Variants in METTL8 observed in about 807,000 individuals in gnomAD.
METTL8 encodes methyltransferase 8, tRNA N3-cytidine, also known as tRNA N(3)-cytidine methyltransferase METTL8, mitochondrial.
A neutral mutation model predicts 48.7 loss-of-function variants in METTL8; 32 were observed. The observed-to-expected ratio is 0.66, with a 90% CI of 0.50 to 0.88. The LOEUF (loss-of-function observed/expected upper bound fraction) is 0.88, where lower values mean the gene tolerates loss of function less well. METTL8 is among the 40% of genes least tolerant of loss of function. METTL8 has a pLI of 0.00. For missense variants in METTL8, 464 were observed against 474.4 expected, an observed-to-expected ratio of 0.98 and a Z score of 0.20; for synonymous variants, 136 against 157.1, an observed-to-expected ratio of 0.87 and a Z score of 1.01.
chr2:171,325,492 A>G (rs538081287), intron 9 of METTL8, among the ~76,000 whole-genome samples: 1 of 152,372 alleles, frequency 6.6e-6, no homozygotes, highest in East Asian at 1.9e-4. Context: ...ACAGGCCAAG[A>G]TAAGTAATTT....
intron 2 of METTL8, among the ~76,000 whole-genome samples, chr2:171,364,094 C>T (rs573894529): frequency 1.7e-3 from 260 of 151,854 alleles, no homozygotes; most frequent in Non-Finnish European, 1.9e-3. Flanking sequence ...ATTACAAGCG[C>T]GAGCCACTGC....
upstream of METTL8, chr2:171,434,657 T>C: frequency 6.5e-7 from 1 of 1,535,206 alleles, no homozygotes; most frequent in Non-Finnish European, 8.7e-7. Context: ...GACGCAGGCG[T>C]GGTGCAGAGG....
chr2:171,411,828 C>T (rs1690785438), intron 1 of METTL8, among the ~76,000 whole-genome samples: 1 of 152,100 alleles, frequency 6.6e-6, no homozygotes, highest in Admixed American at 6.6e-5. Flanking sequence ...AGATTGCTTA[C>T]ATTTAAATGT....
intron 5 of METTL8, among the ~76,000 whole-genome samples, chr2:171,335,079 T>C (rs1337938150): frequency 6.6e-6 from 1 of 152,188 alleles, no homozygotes; most frequent in Non-Finnish European, 1.5e-5. Context: ...TAAAGGAATA[T>C]GGCTATGTGA....
chr2:171,331,389 G>A (rs1245945290), intron 6 of METTL8, among the ~76,000 whole-genome samples: 14 of 149,198 alleles, frequency 9.4e-5, no homozygotes, highest in Admixed American at 6.7e-5. Flanking sequence ...GATTACAGGC[G>A]TGAGCCACCA....
chr2:171,417,124 T>C (rs570499351), intron 1 of METTL8, among the ~76,000 whole-genome samples: 2 of 152,242 alleles, frequency 1.3e-5, no homozygotes, highest in Non-Finnish European at 2.9e-5. Context: ...AGAATTTCTA[T>C]GTGTGGCATG....
chr2:171,372,479 TTTATTA>T (rs376069568), intron 2 of METTL8, among the ~76,000 whole-genome samples: 30 of 151,054 alleles, frequency 2.0e-4, no homozygotes, highest in African/African-American at 4.4e-4. Context: ...ATAATTTCTT[TTTATTA>T]TTATTATTAT....
At chr2:171,343,099 C>G (rs1575769463) in intron 3 of METTL8, among the ~76,000 whole-genome samples, 2 of 152,252 alleles carry the variant, frequency 1.3e-5, no homozygotes, top group Admixed American at 6.5e-5. Flanking sequence ...AATGAGCAAG[C>G]AAACCATGCA....
intron 1 of METTL8, among the ~76,000 whole-genome samples, chr2:171,424,078 G>A (rs1405575735): frequency 1.3e-5 from 2 of 152,210 alleles, no homozygotes; most frequent in Non-Finnish European, 2.9e-5. Flanking sequence ...GGCTTCAGAG[G>A]GGACAAGCTC....
intron 5 of METTL8, among the ~76,000 whole-genome samples, chr2:171,335,432 A>AT (rs1195661220): frequency 2.6e-5 from 4 of 151,900 alleles, no homozygotes; most frequent in East Asian, 1.9e-4. Flanking sequence ...AATTAAAAAA[A>AT]TTTTTTTTGA....
chr2:171,434,731 G>A (rs1176266705), upstream of METTL8: 2 of 1,405,168 alleles, frequency 1.4e-6, no homozygotes, highest in South Asian at 1.6e-5. Context: ...GGGGCGGGAC[G>A]GAGGGCCGCG....
intron 2 of METTL8, among the ~76,000 whole-genome samples, chr2:171,375,597 C>T (rs1285105027): frequency 6.6e-6 from 1 of 152,040 alleles, no homozygotes; most frequent in Non-Finnish European, 1.5e-5. Flanking sequence ...GCTTATTTAC[C>T]ATCTGTATAT....
rs1308840575 is a variant in METTL8, at chr2:171,339,500, T to C, written c.290A>G (p.Lys97Arg). 6.2e-7 allele frequency: 1 copy of C among 1,609,346 alleles called. No individual in the cohort carries two copies. The highest frequency in any genetic ancestry group is 1.7e-5 in the Admixed American group (1 of 59,850). Residue 97 changes from lysine to arginine, a missense_variant, in exon 4 of 10, where the codon AAG (lysine) becomes AGG (arginine). Transcript: ENST00000375258. ...KYWDTFYKIH[K>R]NKFFKDRNWL... ...ATTACGATCCTTGAAAAACTTATTC[T>C]TATGAATCTTGTAAAATGTGTCCCA...
At chr2:171,434,563 C>G (rs1693657842), upstream of METTL8, 1 of 1,525,442 alleles carries the variant, frequency 6.6e-7, no homozygotes. Flanking sequence ...TACCCAGGGC[C>G]CGGCCCGCGC....
chr2:171,369,839 G>A (rs373401072), intron 2 of METTL8, among the ~76,000 whole-genome samples: 5 of 152,076 alleles, frequency 3.3e-5, no homozygotes, highest in African/African-American at 9.7e-5. Context: ...AGGCCAAGGC[G>A]GGCGGATCAT....
rs1038423281 is a variant in METTL8 at position 171,426,150 on chromosome 2, C to T, written c.-13+7733G>A. 4.6e-5 allele frequency among the ~76,000 whole-genome samples: 7 copies of T among 152,030 alleles called. No individual in the cohort carries two copies. In the Middle Eastern group the frequency reaches 0.01, roughly 222 times the overall value. ...CCAGCCTGGGCAATAGAGTAAGACT[C>T]CATTTCAAAAAACACAAAAACAAAA... On this transcript the variant is annotated intron_variant, in intron 1 of 9. Coordinates refer to ENST00000375258, the MANE Select transcript of METTL8 (RefSeq NM_001321154.2).
chr2:171,434,225 G>A (rs1693567333), upstream of METTL8: 2 of 442,186 alleles, frequency 4.5e-6, no homozygotes, highest in African/African-American at 4.1e-5. Flanking sequence ...GTAGTTCCTG[G>A]GAGAAGCCGG....
At chr2:171,359,662 G>A (rs1684960425) in intron 3 of METTL8, among the ~76,000 whole-genome samples, 1 of 151,982 alleles carries the variant, frequency 6.6e-6, no homozygotes, top group African/African-American at 2.4e-5. Context: ...CGCCAGGCTG[G>A]AGTACAGTGG....
intron 1 of METTL8, among the ~76,000 whole-genome samples, chr2:171,400,206 T>TA (rs1462537463): frequency 1.3e-5 from 2 of 152,166 alleles, no homozygotes; most frequent in Non-Finnish European, 2.9e-5. Context: ...GTCACCCAGC[T>TA]AAAAATTGAT....
Sources: allele counts gnomAD v4.1 joint callset (sites outside exome capture counted in the v4.1 genomes callset), GRCh38; gene constraint gnomAD v4.1.1; transcripts MANE v1.5; gene names NCBI Gene and HGNC (gene_info 2026-07-23, HGNC 2026-07-21).